CPA6: variants seen among roughly 807,000 people sequenced by gnomAD.
CPA6 encodes carboxypeptidase B.
A neutral mutation model predicts 63.3 loss-of-function variants in CPA6; 58 were observed. That is an observed-to-expected ratio of 0.92 (90% CI 0.74 to 1.14). CPA6 has a LOEUF of 1.14. Among genes scored for constraint, CPA6 ranks in the 50% most tolerant of loss-of-function variants. The pLI is 0.00. For missense variants in CPA6, 565 were observed against 526.6 expected, an observed-to-expected ratio of 1.07 and a Z score of -0.71; for synonymous variants, 185 against 179.0, an observed-to-expected ratio of 1.03 and a Z score of -0.27.
chr8:67,643,541 T>C (rs1285597159), intron 1 of CPA6, among the ~76,000 whole-genome samples: 1 of 131,668 alleles, frequency 7.6e-6, no homozygotes, highest in Non-Finnish European at 1.6e-5. Context: ...CAAGTATATA[T>C]GGTAGTTTTT....
chr8:67,470,708 T>TC (rs1563965251), intron 8 of CPA6, among the ~76,000 whole-genome samples: 2 of 152,198 alleles, frequency 1.3e-5, no homozygotes, highest in Non-Finnish European at 2.9e-5. Flanking sequence ...TACTTTTTTT[T>TC]CACATGGTTG....
rs187950459 is a variant in CPA6 at position 67,495,732 on chromosome 8, G to A, written c.637-10943C>T. Reference sequence around the variant, plus strand: ...AGACAAGATCTCACTCTGTCACCCAGGCTGGAGTGCAGAGGTGTGATCACA... The same window carrying A: ...AGACAAGATCTCACTCTGTCACCCAAGCTGGAGTGCAGAGGTGTGATCACA... On this transcript the variant is annotated intron_variant, in intron 6 of 10. Transcript: ENST00000297770. Among the ~76,000 whole-genome samples, 21 of 152,138 alleles carry A rather than the reference G, an allele frequency of 1.4e-4. No individual in the cohort carries two copies. The East Asian group carries it at 3.9e-3, about 28-fold the overall frequency.
At chr8:67,742,908 ATCTC>A (rs956674494) in intron 1 of CPA6, among the ~76,000 whole-genome samples, 3 of 152,118 alleles carry the variant, frequency 2.0e-5, no homozygotes, top group African/African-American at 7.2e-5. Flanking sequence ...ACTGTCTGAG[ATCTC>A]TCTTTTACCA....
chr8:67,431,196 GCTTAA>G (rs1242463505), intron 9 of CPA6, among the ~76,000 whole-genome samples: 1 of 151,706 alleles, frequency 6.6e-6, no homozygotes, highest in Admixed American at 6.6e-5. Context: ...AGGAAAATAG[GCTTAA>G]CTTAAGGTGG....
At chr8:67,632,295 C>A (rs774688484) in intron 1 of CPA6, among the ~76,000 whole-genome samples, 3 of 151,778 alleles carry the variant, frequency 2.0e-5, no homozygotes, top group Non-Finnish European at 4.4e-5. Flanking sequence ...CTCAGCCTTC[C>A]AAGTAGCTGG....
At chr8:67,737,678 C>T (rs184836810) in intron 1 of CPA6, among the ~76,000 whole-genome samples, 36 of 152,332 alleles carry the variant, frequency 2.4e-4, no homozygotes, top group African/African-American at 8.4e-4. Flanking sequence ...AGACTAGCAG[C>T]GGGCCAGACA....
In CPA6 at chr8:67,511,418, A is replaced by AT. The variant is rs561494835; in HGVS notation, c.432+122dup. ...TGTAAAAGCTACATATATTCTTCAC[A>AT]TAGTACCTTCTCTGTCTTTATGCTT... On this transcript the variant is annotated intron_variant, in intron 4 of 10. Coordinates refer to ENST00000297770, the MANE Select transcript of CPA6 (RefSeq NM_020361.5). 520 of 653,646 alleles carry AT rather than the reference A, an allele frequency of 8.0e-4. 2 individuals carry two copies. Among genetic ancestry groups the AT allele is most frequent in the African/African-American group, 7.8e-3 (435 of 55,864 alleles). 40.5% of individuals were successfully genotyped at this position (653,646 alleles called of 1,614,324 possible).
At chr8:67,677,139 A>T (rs1816493030) in intron 1 of CPA6, among the ~76,000 whole-genome samples, 1 of 152,156 alleles carries the variant, frequency 6.6e-6, no homozygotes, top group South Asian at 2.1e-4. Flanking sequence ...CAGTTTACCC[A>T]GAGGTCCTGG....
chr8:67,735,385 G>A (rs967293024), intron 1 of CPA6: 1 of 152,238 alleles, frequency 6.6e-6, no homozygotes, highest in Admixed American at 6.5e-5. Flanking sequence ...GGAAGGATGA[G>A]AGAACTGGGA....
chr8:67,521,237 G>A (rs773397325), intron 2 of CPA6, among the ~76,000 whole-genome samples: 1 of 152,212 alleles, frequency 6.6e-6, no homozygotes, highest in Non-Finnish European at 1.5e-5. Flanking sequence ...ATTCCCGTGT[G>A]TTCTTTTCCT....
chr8:67,644,784 C>G (rs539523404), intron 1 of CPA6, among the ~76,000 whole-genome samples: 1 of 152,254 alleles, frequency 6.6e-6, no homozygotes, highest in South Asian at 2.1e-4. Flanking sequence ...GGGAACCAGG[C>G]TTCTTGGCCC....
At chr8:67,560,685 C>G (rs1315104640) in intron 2 of CPA6, among the ~76,000 whole-genome samples, 4 of 152,018 alleles carry the variant, frequency 2.6e-5, no homozygotes, top group Non-Finnish European at 4.4e-5. Context: ...ACTGTTCCTG[C>G]CTTTTAAACT....
At position 67,690,182 on chromosome 8, in the gene CPA6, T is replaced by C. The variant is rs191982713; in HGVS notation, c.116+55832A>G. On this transcript the variant is annotated intron_variant, in intron 1 of 10. Coordinates refer to ENST00000297770, the MANE Select transcript of CPA6 (RefSeq NM_020361.5). ...AGGAACTGTGTGTTACTCAGTTCTG[T>C]ATCTTATAGGTGGTTCAATTAATGT... Among the ~76,000 whole-genome samples the C allele has an allele frequency of 3.3e-3, 496 of 152,328 alleles. 5 individuals carry two copies. The highest frequency in any genetic ancestry group is 0.011 in the African/African-American group (476 of 41,576).
chr8:67,506,922 G>A (rs777305207), intron 5 of CPA6, 34 bp from the exon 6 acceptor site: 3 of 1,432,602 alleles, frequency 2.1e-6, no homozygotes, highest in Non-Finnish European at 2.0e-6. Context: ...AACCAACTCA[G>A]GCTTTTAGAT....
At position 67,509,561 on chromosome 8, in the gene CPA6, A is replaced by G; in HGVS notation, c.490T>C (p.Ser164Pro). ...KTHSGLIHMF[S>P]IGRSYEGRSL... ...CTTCCCTCATATGATCTTCCAATAG[A>G]GAACATGTGAATGAGGCCTGAGTGA... Residue 164 changes from serine to proline, a missense_variant, in exon 5 of 11, where the codon TCT becomes CCT. Ser to Pro is a moderately conservative substitution (Grantham distance 74, BLOSUM62 -1). Coordinates refer to ENST00000297770, the MANE Select transcript of CPA6 (RefSeq NM_020361.5). 1 of 1,599,024 alleles carries G rather than the reference A, an allele frequency of 6.3e-7. No homozygotes were observed. Among genetic ancestry groups the G allele is most frequent in the East Asian group, 2.2e-5 (1 of 44,582 alleles).
intron 6 of CPA6, among the ~76,000 whole-genome samples, chr8:67,487,943 T>C (rs1218524740): frequency 6.6e-6 from 1 of 152,246 alleles, no homozygotes; most frequent in African/African-American, 2.4e-5. Context: ...CTTTGTAGAT[T>C]GGCAATTAGC....
intron 2 of CPA6, among the ~76,000 whole-genome samples, chr8:67,533,477 T>C (rs1812519500): frequency 6.6e-6 from 1 of 152,220 alleles, no homozygotes; most frequent in South Asian, 2.1e-4. Context: ...AAATAACTAA[T>C]GAATGAGTGA....
chr8:67,566,138 T>A (rs950547780), intron 2 of CPA6, among the ~76,000 whole-genome samples: 1 of 152,212 alleles, frequency 6.6e-6, no homozygotes, highest in Non-Finnish European at 1.5e-5. Context: ...TCCAGTGTTC[T>A]TTTGTTTGGC....
rs16933517 is a variant in CPA6, at chr8:67,691,884, A to G, written c.116+54130T>C. Among the ~76,000 whole-genome samples, 1,043 of 152,362 alleles carry G rather than the reference A, an allele frequency of 6.8e-3. 7 individuals are homozygous for G. The highest frequency in any genetic ancestry group is 0.024 in the African/African-American group (984 of 41,574). On this transcript the variant is annotated intron_variant, in intron 1 of 10. Coordinates refer to ENST00000297770, the MANE Select transcript of CPA6 (RefSeq NM_020361.5). ...TTGTTTGAGACCAAAACATGAATCA[A>G]TAAATTAAGACTAAACTCCAAACAT...
Sources: allele counts gnomAD v4.1 joint callset (sites outside exome capture counted in the v4.1 genomes callset), GRCh38; gene constraint gnomAD v4.1.1; transcripts MANE v1.5; gene names NCBI Gene and HGNC (gene_info 2026-07-23, HGNC 2026-07-21).